MTUS1: variants seen among roughly 807,000 people sequenced by gnomAD.
The protein encoded by MTUS1 is microtubule associated scaffold protein 1, also known as microtubule-associated tumor suppressor 1.
A neutral mutation model predicts 120.8 loss-of-function variants in MTUS1; 109 were observed. The ratio of observed to expected loss-of-function variants is 0.90; its 90% CI spans 0.77 to 1.06. The LOEUF is 1.06. Ranked by LOEUF, MTUS1 falls within the 50% of genes least tolerant of loss-of-function variation. The pLI is 0.00. For synonymous variants in MTUS1, 737 were observed against 550.5 expected, an observed-to-expected ratio of 1.34 and a Z score of -4.74; for missense variants, 2,210 against 1,486.3, an observed-to-expected ratio of 1.49 and a Z score of -8.01.
chr8:17,755,290 A>G lies in MTUS1; in HGVS notation c.518T>C (p.Ile173Thr), dbSNP rs2048523149. The change falls in exon 2 of 15, where the codon ATA becomes ACA. Residue 173 changes from isoleucine (I) to threonine (T), a missense_variant. Coordinates refer to ENST00000693296, the MANE Select transcript of MTUS1 (RefSeq NM_001363059.2). The stretch of plus-strand genomic sequence containing the variant: ...ACTCTTTCCGATGGCATGATGTGAT[A>G]TAAAGGTGCAGTTAACTTTATCCAC... ...MTVDKVNCTF[I>T]SHHAIGKSQS... The G allele has an allele frequency of 6.2e-7, 1 of 1,614,256 alleles. No homozygotes were observed. Among genetic ancestry groups the G allele is most frequent in the African/African-American group, 1.3e-5 (1 of 75,078 alleles).
At chr8:17,737,276 G>T (rs778185786) in intron 3 of MTUS1, among the ~76,000 whole-genome samples, 1 of 152,114 alleles carries the variant, frequency 6.6e-6, no homozygotes, top group Non-Finnish European at 1.5e-5. Flanking sequence ...GTAGAATGGC[G>T]ATTATCACAG....
intron 1 of MTUS1, among the ~76,000 whole-genome samples, chr8:17,791,459 A>C (rs1167051893): frequency 6.6e-6 from 1 of 152,236 alleles, no homozygotes; most frequent in East Asian, 1.9e-4. Context: ...TAGTACTGTA[A>C]TATCCACAAG....
chr8:17,706,768 G>A (rs1373008533), intron 6 of MTUS1, among the ~76,000 whole-genome samples: 2 of 152,142 alleles, frequency 1.3e-5, no homozygotes, highest in Non-Finnish European at 1.5e-5. Flanking sequence ...TGATACAGAA[G>A]CACCCTAAAT....
intron 3 of MTUS1, among the ~76,000 whole-genome samples, chr8:17,737,167 G>C (rs532671389): frequency 1.3e-5 from 2 of 152,118 alleles, no homozygotes; most frequent in South Asian, 2.1e-4. Context: ...ACAGACTGTG[G>C]GGCCAGAACA....
At chr8:17,777,526 A>G (rs894053559) in intron 1 of MTUS1, among the ~76,000 whole-genome samples, 2 of 152,140 alleles carry the variant, frequency 1.3e-5, no homozygotes, top group African/African-American at 4.8e-5. Context: ...GCTGTGCATC[A>G]GCCACCTTCT....
At chr8:17,658,435 C>A (rs927107158) in intron 8 of MTUS1, among the ~76,000 whole-genome samples, 3 of 152,154 alleles carry the variant, frequency 2.0e-5, no homozygotes, top group South Asian at 4.1e-4. Flanking sequence ...TATATGTACA[C>A]ACACTACAAT....
chr8:17,665,761 CACGTACCAT>C (rs1810764351), intron 8 of MTUS1, among the ~76,000 whole-genome samples: 1 of 152,210 alleles, frequency 6.6e-6, no homozygotes, highest in Non-Finnish European at 1.5e-5. Flanking sequence ...AGTTAATTCA[CACGTACCAT>C]GGATGCCTCA....
At chr8:17,757,336 A>C (rs2048701029) in intron 1 of MTUS1, among the ~76,000 whole-genome samples, 1 of 152,220 alleles carries the variant, frequency 6.6e-6, no homozygotes, top group African/African-American at 2.4e-5. Flanking sequence ...TATTTACATG[A>C]AATGTCCAGA....
chr8:17,756,583 C>A (rs1246083680), intron 1 of MTUS1, among the ~76,000 whole-genome samples: 2 of 151,774 alleles, frequency 1.3e-5, no homozygotes, highest in East Asian at 3.9e-4. Flanking sequence ...CCAGTGGTAC[C>A]CTGTTGGAAG....
chr8:17,658,699 A>G (rs952342253), intron 8 of MTUS1, among the ~76,000 whole-genome samples: 2 of 152,196 alleles, frequency 1.3e-5, no homozygotes, highest in African/African-American at 4.8e-5. Context: ...TAGGGCACAG[A>G]AAAGGACAAT....
At chr8:17,769,497 G>C (rs1023476350) in intron 1 of MTUS1, among the ~76,000 whole-genome samples, 1 of 150,634 alleles carries the variant, frequency 6.6e-6, no homozygotes, top group Non-Finnish European at 1.5e-5. Flanking sequence ...ACAGGCGCCC[G>C]CCACCACGCC....
intron 13 of MTUS1, among the ~76,000 whole-genome samples, chr8:17,648,053 C>G (rs1033375489): frequency 6.6e-6 from 1 of 152,080 alleles, no homozygotes; most frequent in Admixed American, 6.5e-5. Flanking sequence ...GATAAAACAA[C>G]GTGGAAAAAA....
At chr8:17,751,974 C>G (rs2048235128) in intron 2 of MTUS1, among the ~76,000 whole-genome samples, 1 of 150,924 alleles carries the variant, frequency 6.6e-6, no homozygotes, top group Non-Finnish European at 1.5e-5. Flanking sequence ...CAAAGTATTT[C>G]ATATCTAATT....
chr8:17,735,929 G>A (rs2046894365), intron 3 of MTUS1, among the ~76,000 whole-genome samples: 1 of 152,210 alleles, frequency 6.6e-6, no homozygotes, highest in African/African-American at 2.4e-5. Context: ...AGAGAGGCCA[G>A]GACAGCTGAG....
At chr8:17,757,726 C>T (rs2048731227) in intron 1 of MTUS1, among the ~76,000 whole-genome samples, 2 of 152,110 alleles carry the variant, frequency 1.3e-5, no homozygotes, top group Non-Finnish European at 2.9e-5. Flanking sequence ...AGGGTTTCAC[C>T]ACACTGGCCA....
chr8:17,686,129 C>T (rs1050584279), intron 6 of MTUS1, among the ~76,000 whole-genome samples: 3 of 152,312 alleles, frequency 2.0e-5, no homozygotes, highest in Admixed American at 6.5e-5. Flanking sequence ...TTTTCATCCT[C>T]CCAATAACCC....
chr8:17,753,574 C>A, intron 2 of MTUS1, 143 bp downstream of exon 2: 2 of 600,680 alleles, frequency 3.3e-6, no homozygotes, highest in East Asian at 2.8e-5. Flanking sequence ...CCAGTACTGA[C>A]AAGACAATGA....
chr8:17,662,280 G>C, intron 8 of MTUS1, among the ~76,000 whole-genome samples: 1 of 151,312 alleles, frequency 6.6e-6, no homozygotes, highest in Non-Finnish European at 1.5e-5. Context: ...CAACAAGCAA[G>C]CATGGACATG....
chr8:17,720,386 G>T lies in MTUS1; in HGVS notation c.2449+3286C>A, dbSNP rs183370536. Reference sequence around the variant, plus strand: ...AAAAACAAAAAACAAACTAAGGTGGGTCCAAGGTTAGTGCCCTTTTCTGCA... The same window carrying T: ...AAAAACAAAAAACAAACTAAGGTGGTTCCAAGGTTAGTGCCCTTTTCTGCA... On this transcript the variant is annotated intron_variant, in intron 4 of 14. Transcript: ENST00000693296. Among the ~76,000 whole-genome samples the T allele has an allele frequency of 1.9e-3, 291 of 152,018 alleles. 2 individuals carry two copies. The South Asian group carries it at 0.02, about 10-fold the overall frequency.
Sources: allele counts gnomAD v4.1 joint callset (sites outside exome capture counted in the v4.1 genomes callset), GRCh38; gene constraint gnomAD v4.1.1; transcripts MANE v1.5; gene names NCBI Gene and HGNC (gene_info 2026-07-23, HGNC 2026-07-21).